The following STXBP5L variants were observed in gnomAD, a reference collection of about 807,000 sequenced individuals.
The protein encoded by STXBP5L is syntaxin binding protein 5L.
A neutral mutation model predicts 144.5 loss-of-function variants in STXBP5L; 65 were observed. That is an observed-to-expected ratio of 0.45 (90% CI 0.37 to 0.55). The LOEUF is 0.55. STXBP5L is among the 20% of genes least tolerant of loss of function. The pLI is 0.00. For synonymous variants in STXBP5L, 505 were observed against 469.6 expected (o/e 1.08, Z -0.97); for missense variants, 1,298 against 1,405.5 (o/e 0.92, Z 1.22).
intron 3 of STXBP5L, among the ~76,000 whole-genome samples, chr3:121,009,154 C>A (rs1050334738): frequency 1.3e-5 from 2 of 151,956 alleles, no homozygotes; most frequent in Admixed American, 1.3e-4. Flanking sequence ...TGAGGACAGA[C>A]AATGGCTGAC....
intron 5 of STXBP5L, among the ~76,000 whole-genome samples, chr3:121,085,158 C>T (rs528600969): frequency 6.6e-6 from 1 of 152,168 alleles, no homozygotes; most frequent in South Asian, 2.1e-4. Flanking sequence ...TTCTCCCATT[C>T]TGTAGGTTTT....
At chr3:121,085,464 C>T (rs1278083639) in intron 5 of STXBP5L, among the ~76,000 whole-genome samples, 1 of 152,146 alleles carries the variant, frequency 6.6e-6, no homozygotes, top group East Asian at 1.9e-4. Context: ...TAAGCAACTT[C>T]AGCAAAGTCT....
At chr3:121,097,087 G>T (rs1020008619) in intron 5 of STXBP5L, among the ~76,000 whole-genome samples, 1 of 152,200 alleles carries the variant, frequency 6.6e-6, no homozygotes, top group Non-Finnish European at 1.5e-5. Flanking sequence ...GCCTTGCTCA[G>T]CTCTGCCCAG....
chr3:121,313,042 C>A (rs1299486374), intron 19 of STXBP5L, among the ~76,000 whole-genome samples: 2 of 151,242 alleles, frequency 1.3e-5, no homozygotes, highest in Non-Finnish European at 3.0e-5. Flanking sequence ...GGCGGCCGGG[C>A]AGAAGCGCCC....
chr3:121,356,268 G>T (rs1024531788), intron 20 of STXBP5L, among the ~76,000 whole-genome samples: 2 of 152,234 alleles, frequency 1.3e-5, no homozygotes, highest in South Asian at 4.1e-4. Context: ...GTTGTCTGCT[G>T]CCTTTTGTTC....
At chr3:121,412,590 C>T (rs1233490827) in intron 23 of STXBP5L, among the ~76,000 whole-genome samples, 1 of 151,904 alleles carries the variant, frequency 6.6e-6, no homozygotes, top group Admixed American at 6.6e-5. Context: ...TATTATCACC[C>T]TCATCATAGT....
intron 3 of STXBP5L, among the ~76,000 whole-genome samples, chr3:120,984,533 G>A (rs946252389): frequency 1.3e-5 from 2 of 151,212 alleles, no homozygotes; most frequent in African/African-American, 4.9e-5. Flanking sequence ...TTGGTGGGGG[G>A]AATCTTTAGG....
At chr3:121,225,416 GGT>G (rs1372758570) in intron 11 of STXBP5L, among the ~76,000 whole-genome samples, 1 of 151,990 alleles carries the variant, frequency 6.6e-6, no homozygotes, top group Admixed American at 6.6e-5. Flanking sequence ...CAGATCTCCT[GGT>G]GAGATAACAC....
intron 2 of STXBP5L, among the ~76,000 whole-genome samples, chr3:120,921,284 T>C (rs1340379704): frequency 1.3e-5 from 2 of 152,008 alleles, no homozygotes; most frequent in Admixed American, 6.6e-5. Flanking sequence ...CTTTGAGAAA[T>C]GTCTACTCAG....
At chr3:121,179,961 A>G (rs1018166188) in intron 9 of STXBP5L, among the ~76,000 whole-genome samples, 1 of 152,212 alleles carries the variant, frequency 6.6e-6, no homozygotes, top group African/African-American at 2.4e-5. Flanking sequence ...AAACCTAAGA[A>G]TAATTGGTGT....
intron 3 of STXBP5L, among the ~76,000 whole-genome samples, chr3:121,027,672 TGTA>T (rs1560021842): frequency 6.6e-6 from 1 of 152,066 alleles, no homozygotes; most frequent in Non-Finnish European, 1.5e-5. Flanking sequence ...TAAGGACTCT[TGTA>T]GTTACGGTGA....
chr3:121,336,534 A>G (rs1165224138), intron 20 of STXBP5L, among the ~76,000 whole-genome samples: 2 of 151,994 alleles, frequency 1.3e-5, no homozygotes, highest in African/African-American at 4.8e-5. Context: ...AAACAAACAA[A>G]CAAAAAAATC....
intron 7 of STXBP5L, among the ~76,000 whole-genome samples, chr3:121,130,417 C>CT (rs1326347435): frequency 3.9e-5 from 6 of 152,210 alleles, no homozygotes; most frequent in Admixed American, 3.9e-4. Context: ...TTAGCCTTGA[C>CT]TTTTCAAAAG....
chr3:120,992,712 A>T (rs1464799365), intron 3 of STXBP5L, among the ~76,000 whole-genome samples: 2 of 152,140 alleles, frequency 1.3e-5, no homozygotes, highest in Admixed American at 1.3e-4. Flanking sequence ...ATTGATGGAA[A>T]CTTAGCTTGA....
chr3:121,148,424 A>G (rs2045800216), intron 7 of STXBP5L, among the ~76,000 whole-genome samples: 1 of 152,142 alleles, frequency 6.6e-6, no homozygotes, highest in South Asian at 2.1e-4. Flanking sequence ...AATAAAATTT[A>G]CCTTCTCTTC....
chr3:121,404,482 AC>A (rs745549140), intron 22 of STXBP5L, among the ~76,000 whole-genome samples: 2 of 152,096 alleles, frequency 1.3e-5, no homozygotes, highest in Non-Finnish European at 2.9e-5. Context: ...AAGTTAGATT[AC>A]ATCACTTCCA....
chr3:121,007,120 T>C (rs1172967343), intron 3 of STXBP5L, among the ~76,000 whole-genome samples: 1 of 152,154 alleles, frequency 6.6e-6, no homozygotes, highest in Non-Finnish European at 1.5e-5. Flanking sequence ...GGGGAAGTTC[T>C]CCAGCTTTTT....
intron 3 of STXBP5L, among the ~76,000 whole-genome samples, chr3:121,019,878 C>T (rs1423682685): frequency 6.6e-6 from 1 of 152,072 alleles, no homozygotes; most frequent in Non-Finnish European, 1.5e-5. Context: ...TTGACACCCC[C>T]AAAAGATCAC....
intron 3 of STXBP5L, among the ~76,000 whole-genome samples, chr3:121,007,260 A>G (rs1011884980): frequency 1.1e-4 from 17 of 152,030 alleles, no homozygotes; most frequent in Admixed American, 3.3e-4. Context: ...TACATTATCT[A>G]TCTTATATAT....
Sources: gnomAD v4.1 joint callset for allele counts (sites outside exome capture counted in the v4.1 genomes callset) on GRCh38, gnomAD v4.1.1 for gene constraint, MANE v1.5 for transcripts, NCBI Gene and HGNC (gene_info 2026-07-23, HGNC 2026-07-21) for gene names.